Variants in SLC8A1 observed in about 807,000 individuals in gnomAD.
SLC8A1 encodes the protein sodium/calcium exchanger 1.
A neutral mutation model predicts 68.3 loss-of-function variants in SLC8A1; 18 were observed. The observed-to-expected ratio is 0.26, with a 90% confidence interval of 0.18 to 0.39. The LOEUF is 0.39. Among genes scored for constraint, SLC8A1 ranks in the 10% least tolerant of loss-of-function variants. The pLI is 1.00. For missense variants in SLC8A1, 985 were observed against 1,156.7 expected (o/e 0.85, Z 2.15); for synonymous variants, 475 against 415.5 (o/e 1.14, Z -1.74).
At chr2:40,166,833 T>C (rs1339776259) in intron 4 of SLC8A1, among the ~76,000 whole-genome samples, 1 of 152,236 alleles carries the variant, frequency 6.6e-6, no homozygotes, top group African/African-American at 2.4e-5. Flanking sequence ...TGGCTGAACA[T>C]GGATGAGTTG....
chr2:40,232,666 C>T (rs11894800), intron 2 of SLC8A1, among the ~76,000 whole-genome samples: 97,814 of 122,914 alleles, frequency 0.8, 39,670 homozygotes, highest in Non-Finnish European at 0.86. Flanking sequence ...TAGTTACATA[C>T]GTATACATGT....
chr2:40,233,139 G>C (rs1005119593), intron 2 of SLC8A1, among the ~76,000 whole-genome samples: 3 of 152,092 alleles, frequency 2.0e-5, no homozygotes, highest in South Asian at 2.1e-4. Context: ...GGGTCAAATG[G>C]TGTTTCCAGT....
chr2:40,444,878 C>G (rs886342037), intron 1 of SLC8A1, among the ~76,000 whole-genome samples: 1 of 152,148 alleles, frequency 6.6e-6, no homozygotes, highest in Admixed American at 6.6e-5. Flanking sequence ...TACTGACTAT[C>G]TGGGCATTTA....
intron 2 of SLC8A1, among the ~76,000 whole-genome samples, chr2:40,249,448 A>ATTTTCCACTTTCTGTAATAT (rs1307834141): frequency 1.3e-5 from 2 of 152,138 alleles, no homozygotes; most frequent in Non-Finnish European, 2.9e-5. Flanking sequence ...CATTTGCATA[A>ATTTTCCACTTTCTGTAATAT]TTTTCCACTT....
At chr2:40,482,758 C>G (rs1455011271) in intron 1 of SLC8A1, among the ~76,000 whole-genome samples, 1 of 150,172 alleles carries the variant, frequency 6.7e-6, no homozygotes, top group East Asian at 1.9e-4. Flanking sequence ...AATGTTTTTC[C>G]TTATTTCTAT....
intron 2 of SLC8A1, among the ~76,000 whole-genome samples, chr2:40,190,169 T>C (rs1261509829): frequency 6.6e-6 from 1 of 152,224 alleles, no homozygotes; most frequent in Non-Finnish European, 1.5e-5. Context: ...AGCGCCCTTC[T>C]GCTAATCACC....
chr2:40,467,437 A>G (rs760242105), intron 1 of SLC8A1, among the ~76,000 whole-genome samples: 1 of 152,198 alleles, frequency 6.6e-6, no homozygotes, highest in African/African-American at 2.4e-5. Context: ...TATTCAGTAC[A>G]GATGGAGAGA....
intron 2 of SLC8A1, among the ~76,000 whole-genome samples, chr2:40,378,740 G>C (rs1015204281): frequency 6.6e-6 from 1 of 152,072 alleles, no homozygotes; most frequent in African/African-American, 2.4e-5. Context: ...AATTCAGCCA[G>C]GTATCACACA....
intron 7 of SLC8A1, chr2:40,123,395 A>G (rs551038240): frequency 6.6e-6 from 1 of 152,272 alleles, no homozygotes; most frequent in South Asian, 2.1e-4. Context: ...TTCATGAAAG[A>G]CTCCTTATTC....
chr2:40,335,331 C>T (rs562381259), intron 2 of SLC8A1, among the ~76,000 whole-genome samples: 1 of 152,204 alleles, frequency 6.6e-6, no homozygotes, highest in East Asian at 1.9e-4. Context: ...TATGAAGAAG[C>T]ACTGAAAGAA....
chr2:40,392,685 C>T (rs774242883), intron 2 of SLC8A1, among the ~76,000 whole-genome samples: 1 of 152,046 alleles, frequency 6.6e-6, no homozygotes, highest in African/African-American at 2.4e-5. Context: ...TTTAAATTGC[C>T]TTCTTCACAT....
chr2:40,134,864 A>G (rs544392906), intron 7 of SLC8A1, among the ~76,000 whole-genome samples: 3 of 152,350 alleles, frequency 2.0e-5, no homozygotes, highest in South Asian at 4.1e-4. Flanking sequence ...GAAAATAATA[A>G]CATTCAAAAA....
chr2:40,325,693 G>A (rs987565815), intron 2 of SLC8A1, among the ~76,000 whole-genome samples: 1 of 149,166 alleles, frequency 6.7e-6, no homozygotes, highest in Admixed American at 6.8e-5. Flanking sequence ...CAGCACTTTG[G>A]GAGGCCAAGA....
intron 2 of SLC8A1, among the ~76,000 whole-genome samples, chr2:40,205,363 T>A (rs144808383): frequency 8.5e-4 from 130 of 152,196 alleles, no homozygotes; most frequent in African/African-American, 3.0e-3. Flanking sequence ...AGCTGTGGAA[T>A]GCTTCAAGGA....
At chr2:40,119,097 A>G (rs570779917) in intron 7 of SLC8A1, among the ~76,000 whole-genome samples, 3 of 152,250 alleles carry the variant, frequency 2.0e-5, no homozygotes, top group Admixed American at 2.0e-4. Flanking sequence ...CTCTCCCTCA[A>G]GCCATGTATC....
chr2:40,478,555 G>A (rs1169425319), intron 1 of SLC8A1, among the ~76,000 whole-genome samples: 1 of 152,040 alleles, frequency 6.6e-6, no homozygotes, highest in African/African-American at 2.4e-5. Flanking sequence ...TTGGTAAAAA[G>A]CTCAGGTAGT....
intron 1 of SLC8A1, among the ~76,000 whole-genome samples, chr2:40,481,278 G>A (rs1576643187): frequency 1.3e-5 from 2 of 152,084 alleles, no homozygotes; most frequent in African/African-American, 4.8e-5. Flanking sequence ...TAAGGTTCAC[G>A]CTTTTTATAT....
chr2:40,313,576 T>G (rs2074033401), intron 2 of SLC8A1, among the ~76,000 whole-genome samples: 1 of 151,686 alleles, frequency 6.6e-6, no homozygotes, highest in South Asian at 2.1e-4. Flanking sequence ...TGTGGTCAAT[T>G]TTTTTTTAAT....
At chr2:40,465,957 G>A (rs1336708639) in intron 1 of SLC8A1, among the ~76,000 whole-genome samples, 2 of 152,114 alleles carry the variant, frequency 1.3e-5, no homozygotes, top group African/African-American at 2.4e-5. Flanking sequence ...TGAGGACACA[G>A]TATTTGTCTT....
Sources: gnomAD v4.1 joint callset for allele counts (sites outside exome capture counted in the v4.1 genomes callset) on GRCh38, gnomAD v4.1.1 for gene constraint, MANE v1.5 for transcripts, NCBI Gene and HGNC (gene_info 2026-07-23, HGNC 2026-07-21) for gene names.